Variants in NSG1 observed in about 807,000 individuals in gnomAD.
NSG1 encodes the protein neuronal vesicle trafficking associated 1.
In NSG1, 9 loss-of-function variants were observed where a neutral mutation model predicts 19.3. The observed-to-expected ratio is 0.47, with a 90% CI of 0.28 to 0.81. The LOEUF (loss-of-function observed/expected upper bound fraction) is 0.81, where lower values mean the gene tolerates loss of function less well. NSG1 is among the 40% of genes least tolerant of loss of function. The pLI is 0.11. For synonymous variants in NSG1, 104 were observed against 107.0 expected, an observed-to-expected ratio of 0.97 and a Z score of 0.17; for missense variants, 236 against 242.4, an observed-to-expected ratio of 0.97 and a Z score of 0.18.
chr4:4,416,209 C>T lies in NSG1; in HGVS notation c.358-1026C>T, dbSNP rs751477011. The T allele has an allele frequency of 1.4e-4, 98 of 702,118 alleles. 1 individual carries two copies. The highest frequency in any genetic ancestry group is 1.2e-3 in the African/African-American group (66 of 57,230). 43.5% of individuals were successfully genotyped at this position (702,118 alleles called of 1,614,324 possible). On this transcript the variant is annotated intron_variant, in intron 4 of 4. Transcript: ENST00000621129. ...ACTCCGCACGTGAACTCAGCTGGTA[C>T]GGTGGGCCTGGCTCCAAAGCTTCCC... is the stretch of plus-strand genomic sequence containing the variant.
chr4:4,407,826 G>C (rs1013853562), intron 3 of NSG1, among the ~76,000 whole-genome samples: 2 of 152,164 alleles, frequency 1.3e-5, no homozygotes, highest in African/African-American at 4.8e-5. Context: ...CCAAGGTGGT[G>C]AGGCTGGTAA....
intron 1 of NSG1, 112 bp downstream of exon 1, chr4:4,387,285 C>G (rs888019149): frequency 3.8e-6 from 1 of 261,700 alleles, no homozygotes; most frequent in Non-Finnish European, 7.2e-6. Context: ...CTGTGAACAG[C>G]GGGTCGCCCG....
chr4:4,415,966 C>T lies in NSG1; in HGVS notation c.358-1269C>T, dbSNP rs541670791. 124 of 631,238 alleles carry T rather than the reference C, an allele frequency of 2.0e-4. 1 individual carries two copies. The African/African-American group carries it at 2.2e-3, about 11-fold the overall frequency. 39.1% of individuals were successfully genotyped at this position (631,238 alleles called of 1,614,324 possible). A position where few individuals can be genotyped will look rare whatever the true frequency, so the allele number is the denominator to read the frequency against. ...TGTTCTGTAGCGTGTCAGGTGCTTC[C>T]CGACGTCCTGGTGGGACTGAGATCA... On this transcript the variant is annotated intron_variant, in intron 4 of 4. Coordinates refer to ENST00000621129, the MANE Select transcript of NSG1 (RefSeq NM_014392.5).
At chr4:4,387,561 C>CCGGGGGTGGGTGTGG in intron 1 of NSG1, 43 bp from the exon 2 acceptor site, 3 of 1,141,980 alleles carry the variant, frequency 2.6e-6, no homozygotes, top group Non-Finnish European at 2.5e-6. Context: ...CGCCCCGCCC[C>CCGGGGGTGGGTGTGG]GGGTCTTGCT....
chr4:4,400,880 T>G (rs986276788), intron 3 of NSG1, among the ~76,000 whole-genome samples: 1 of 152,274 alleles, frequency 6.6e-6, no homozygotes, highest in Admixed American at 6.5e-5. Context: ...TTTTGTAATA[T>G]TTCGATACCA....
At chr4:4,400,325 C>T (rs189496285) in intron 3 of NSG1, among the ~76,000 whole-genome samples, 164 of 152,256 alleles carry the variant, frequency 1.1e-3, no homozygotes, top group African/African-American at 3.0e-3. Context: ...TTATATATCT[C>T]GTCTTATGCT....
chr4:4,394,300 C>T (rs1281338733), intron 3 of NSG1, among the ~76,000 whole-genome samples: 1 of 152,082 alleles, frequency 6.6e-6, no homozygotes, highest in African/African-American at 2.4e-5. Flanking sequence ...ACAGAATGTG[C>T]GGCGCCCTCC....
At chr4:4,414,914 G>A (rs964983682) in intron 4 of NSG1, among the ~76,000 whole-genome samples, 3 of 151,854 alleles carry the variant, frequency 2.0e-5, no homozygotes, top group Non-Finnish European at 1.5e-5. Context: ...AAAGGCAGAC[G>A]TGGCCCGAGA....
intron 3 of NSG1, among the ~76,000 whole-genome samples, chr4:4,408,054 G>C (rs1359979433): frequency 6.6e-6 from 1 of 152,110 alleles, no homozygotes; most frequent in Admixed American, 6.5e-5. Context: ...CCAGTGCCTG[G>C]GACGCCCTTG....
At chr4:4,401,846 C>T (rs1172465975) in intron 3 of NSG1, among the ~76,000 whole-genome samples, 7 of 152,044 alleles carry the variant, frequency 4.6e-5, no homozygotes, top group African/African-American at 9.7e-5. Context: ...ATAGTCCAGG[C>T]TGGGTTCCTC....
intron 3 of NSG1, among the ~76,000 whole-genome samples, chr4:4,392,437 A>C (rs1723045463): frequency 6.6e-6 from 1 of 152,174 alleles, no homozygotes; most frequent in Non-Finnish European, 1.5e-5. Context: ...GTCACCCTCC[A>C]CTTGGCAGTG....
intron 1 of NSG1, 43 bp from the exon 2 acceptor site, chr4:4,387,561 C>CCG: frequency 1.9e-4 from 215 of 1,141,458 alleles, no homozygotes; most frequent in Middle Eastern, 5.1e-4. Flanking sequence ...CGCCCCGCCC[C>CCG]GGGTCTTGCT....
chr4:4,407,355 G>T (rs898312732), intron 3 of NSG1, among the ~76,000 whole-genome samples: 1 of 152,146 alleles, frequency 6.6e-6, no homozygotes, highest in Non-Finnish European at 1.5e-5. Flanking sequence ...GAGGGGACAG[G>T]TCTCATTGGA....
chr4:4,397,646 G>A (rs1242779198), intron 3 of NSG1, among the ~76,000 whole-genome samples: 1 of 152,196 alleles, frequency 6.6e-6, no homozygotes, highest in Non-Finnish European at 1.5e-5. Flanking sequence ...TGTAACTCCT[G>A]GCCCAGGTGG....
intron 4 of NSG1, chr4:4,416,122 A>G (rs762309631): frequency 1.4e-6 from 1 of 702,298 alleles, no homozygotes; most frequent in East Asian, 2.7e-5. Flanking sequence ...CCTCAGCAAC[A>G]CGGTGGTGTG....
chr4:4,402,880 C>A (rs1161966396), intron 3 of NSG1, among the ~76,000 whole-genome samples: 1 of 152,234 alleles, frequency 6.6e-6, no homozygotes, highest in African/African-American at 2.4e-5. Flanking sequence ...CAGACACTGT[C>A]TATCAACCCA....
chr4:4,405,500 A>AT (rs1043914065), intron 3 of NSG1, among the ~76,000 whole-genome samples: 49 of 151,962 alleles, frequency 3.2e-4, no homozygotes, highest in African/African-American at 1.2e-3. Flanking sequence ...TGGCGATGAG[A>AT]TGTGGGGCCC....
chr4:4,418,533 TTA>T lies in NSG1; in HGVS notation c.*1100_*1101del, dbSNP rs1435971701. On this transcript the variant is annotated 3_prime_UTR_variant, in exon 5 of 5. Coordinates refer to ENST00000621129, the MANE Select transcript of NSG1 (RefSeq NM_014392.5). ...CCAGTTTGAATCTTGATATTAAAGTTTATGTTTACAAAACTGCCAGTTAGATG... is the reference window on the plus strand; with the variant it reads ...CCAGTTTGAATCTTGATATTAAAGTTTGTTTACAAAACTGCCAGTTAGATG... The T allele has an allele frequency of 6.6e-6, 1 of 152,566 alleles. No homozygotes were observed. Among genetic ancestry groups the T allele is most frequent in the African/African-American group, 2.4e-5 (1 of 41,422 alleles). The allele number at this position is 152,566 out of a possible 1,614,324, so 9.5% of individuals were successfully genotyped here.
At chr4:4,392,896 G>A (rs1169831812) in intron 3 of NSG1, among the ~76,000 whole-genome samples, 1 of 152,196 alleles carries the variant, frequency 6.6e-6, no homozygotes, top group Non-Finnish European at 1.5e-5. Context: ...TGTGCCGAGA[G>A]GCTCTTTTGG....
Sources: gnomAD v4.1 joint callset for allele counts (sites outside exome capture counted in the v4.1 genomes callset) on GRCh38, gnomAD v4.1.1 for gene constraint, MANE v1.5 for transcripts, NCBI Gene and HGNC (gene_info 2026-07-23, HGNC 2026-07-21) for gene names.